The following MTSS1 variants were observed in gnomAD, a reference collection of about 807,000 sequenced individuals.
MTSS1 encodes protein MTSS 1.
Under a neutral mutation model 79.0 loss-of-function variants are expected in MTSS1, and 18 were observed. The ratio of observed to expected loss-of-function variants is 0.23; its 90% confidence interval spans 0.16 to 0.34. MTSS1 has a LOEUF of 0.34. Among genes scored for constraint, MTSS1 ranks in the 10% least tolerant of loss-of-function variants. MTSS1 has a pLI of 1.00. For missense variants in MTSS1, 815 were observed against 986.2 expected (o/e 0.83, Z 2.33); for synonymous variants, 341 against 368.6 (o/e 0.93, Z 0.86).
In MTSS1 at chr8:124,707,154, A is replaced by G. The variant is rs577473759; in HGVS notation, c.73-2963T>C. ...GCCACCATCTCTCGGCTACACAAGG[A>G]AGAAGGACCAAAGAGCCAGACCCTC... is the stretch of plus-strand genomic sequence containing the variant. On this transcript the variant is annotated intron_variant, in intron 1 of 13. Transcript: ENST00000518547. 9.8e-5 allele frequency among the ~76,000 whole-genome samples: 15 copies of G among 152,300 alleles called. No homozygotes were observed. In the East Asian group the frequency reaches 2.3e-3, roughly 24 times the overall value.
At chr8:124,565,405 A>G (rs1368058008) in intron 9 of MTSS1, among the ~76,000 whole-genome samples, 4 of 152,230 alleles carry the variant, frequency 2.6e-5, no homozygotes, top group Non-Finnish European at 4.4e-5. Context: ...TAGAATAGGA[A>G]AATCCCTACA....
At chr8:124,671,046 TTTTTC>T (rs796178334) in intron 3 of MTSS1, among the ~76,000 whole-genome samples, 14 of 23,884 alleles carry the variant, frequency 5.9e-4, no homozygotes, top group African/African-American at 4.0e-3. Flanking sequence ...TTCTTTTTTC[TTTTTC>T]TTTTTTTCCT....
intron 3 of MTSS1, among the ~76,000 whole-genome samples, chr8:124,612,682 T>C (rs1173387089): frequency 7.3e-6 from 1 of 136,814 alleles, no homozygotes; most frequent in Non-Finnish European, 1.6e-5. Context: ...GAAACACAAG[T>C]GAACCTAACG....
At chr8:124,721,411 A>ATTTTTTT (rs71289689) in intron 1 of MTSS1, among the ~76,000 whole-genome samples, 11 of 127,236 alleles carry the variant, frequency 8.6e-5, no homozygotes, top group South Asian at 2.4e-4. Flanking sequence ...TTTAACTCTA[A>ATTTTTTT]TTTTTTTTTT....
intron 3 of MTSS1, among the ~76,000 whole-genome samples, chr8:124,661,872 A>T (rs543475747): frequency 1.3e-5 from 2 of 152,266 alleles, no homozygotes; most frequent in South Asian, 4.2e-4. Flanking sequence ...GACTCCCCTT[A>T]GACTATGATA....
At chr8:124,715,215 AC>A in intron 1 of MTSS1, among the ~76,000 whole-genome samples, 1 of 152,226 alleles carries the variant, frequency 6.6e-6, no homozygotes, top group South Asian at 2.1e-4. Flanking sequence ...TCTCTCCAAT[AC>A]CCTGAACAGA....
rs570647614 is a variant in MTSS1, at chr8:124,688,617, G to C, written c.208+10909C>G. On this transcript the variant is annotated intron_variant, in intron 3 of 13. Coordinates refer to ENST00000518547, the MANE Select transcript of MTSS1 (RefSeq NM_014751.6). ...CAGAATGGAAGCAGAGAGCTGCTTT[G>C]GAAACCAGATGACCACGGGTTTCTT... Among the ~76,000 whole-genome samples the C allele has an allele frequency of 3.9e-5, 6 of 152,276 alleles. No individual in the cohort carries two copies. In the South Asian group the frequency reaches 1.2e-3, roughly 32 times the overall value.
chr8:124,694,496 C>T (rs955758577), intron 3 of MTSS1, among the ~76,000 whole-genome samples: 1 of 151,170 alleles, frequency 6.6e-6, no homozygotes, highest in Admixed American at 6.6e-5. Context: ...AATTTGTTAC[C>T]CTAAAAAGTA....
At position 124,699,598 on chromosome 8, in the gene MTSS1, T is replaced by A. The variant is rs1352854332; in HGVS notation, c.136A>T (p.Thr46Ser). The A allele has an allele frequency of 1.2e-6, 2 of 1,614,022 alleles. No individual in the cohort carries two copies. Among genetic ancestry groups the A allele is most frequent in the Non-Finnish European group, 1.7e-6 (2 of 1,179,944 alleles). ...KAGKLQSQLR[T>S]TVVAAAAFLD... The stretch of plus-strand genomic sequence containing the variant: ...AAGGCAGCTGCTGCTACTACTGTTG[T>A]CCTAAAATGCAAACAGATAACAAAA... The change falls in exon 3 of 14, where the codon ACA becomes TCA. Residue 46 changes from threonine to serine, a missense_variant and splice_region_variant. Physicochemically the swap from Thr to Ser is moderately conservative, Grantham distance 58 (BLOSUM62 1). This residue lies in a region of MTSS1 where 225 missense variants were observed against 365.4 expected (regional missense o/e 0.62). Transcript: ENST00000518547.
intron 1 of MTSS1, among the ~76,000 whole-genome samples, chr8:124,713,844 C>G (rs140685290): frequency 3.4e-4 from 51 of 149,056 alleles, no homozygotes; most frequent in African/African-American, 1.2e-3. Flanking sequence ...ACTTCCCAGG[C>G]CCAAGCGATC....
intron 3 of MTSS1, among the ~76,000 whole-genome samples, chr8:124,656,461 CTT>C (rs56809431): frequency 1.6e-4 from 23 of 143,234 alleles, no homozygotes; most frequent in Non-Finnish European, 2.1e-4. Flanking sequence ...GAGCCAGGAC[CTT>C]TTTTTTTTTT....
intron 3 of MTSS1, among the ~76,000 whole-genome samples, chr8:124,611,279 G>A (rs192306392): frequency 6.6e-6 from 1 of 152,218 alleles, no homozygotes; most frequent in Non-Finnish European, 1.5e-5. Flanking sequence ...AGAGCCAGGG[G>A]TGAGCTGGGG....
chr8:124,669,835 A>AG (rs954148982), intron 3 of MTSS1, among the ~76,000 whole-genome samples: 5 of 152,240 alleles, frequency 3.3e-5, no homozygotes, highest in African/African-American at 1.2e-4. Flanking sequence ...TCCCTACACT[A>AG]GATAAAGGCA....
chr8:124,573,253 T>TCA (rs749957259), intron 6 of MTSS1, among the ~76,000 whole-genome samples: 1 of 152,208 alleles, frequency 6.6e-6, no homozygotes, highest in Non-Finnish European at 1.5e-5. Flanking sequence ...CTTCCCATCT[T>TCA]CACTCTGCTG....
At chr8:124,694,071 C>G (rs1828393971) in intron 3 of MTSS1, among the ~76,000 whole-genome samples, 1 of 152,154 alleles carries the variant, frequency 6.6e-6, no homozygotes, top group Non-Finnish European at 1.5e-5. Flanking sequence ...CGCATATAGA[C>G]TTTTGTTATT....
chr8:124,631,704 C>T (rs1757661190), intron 3 of MTSS1, among the ~76,000 whole-genome samples: 1 of 152,246 alleles, frequency 6.6e-6, no homozygotes, highest in Non-Finnish European at 1.5e-5. Context: ...CAGCTTCTGT[C>T]TCTCCAATTC....
At chr8:124,627,709 T>C (rs1318306009) in intron 3 of MTSS1, among the ~76,000 whole-genome samples, 1 of 151,976 alleles carries the variant, frequency 6.6e-6, no homozygotes, top group Non-Finnish European at 1.5e-5. Context: ...AAGGGTAATG[T>C]AAGAAGAGGA....
chr8:124,715,135 G>A (rs542576096), intron 1 of MTSS1, among the ~76,000 whole-genome samples: 37 of 152,188 alleles, frequency 2.4e-4, no homozygotes, highest in Non-Finnish European at 4.1e-4. Flanking sequence ...GGAAGTGTCC[G>A]CTCTGACCTG....
At chr8:124,569,296 C>T (rs111963474) in intron 6 of MTSS1, among the ~76,000 whole-genome samples, 237 of 152,324 alleles carry the variant, frequency 1.6e-3, no homozygotes, top group African/African-American at 4.2e-3. Context: ...TTTTGAATGA[C>T]TAACACATGG....
Sources: allele counts gnomAD v4.1 joint callset (sites outside exome capture counted in the v4.1 genomes callset), GRCh38; gene constraint gnomAD v4.1.1; regional missense constraint gnomAD v4.1.1; transcripts MANE v1.5; gene names NCBI Gene and HGNC (gene_info 2026-07-23, HGNC 2026-07-21).